Variants in SEMA3F observed in about 807,000 individuals in gnomAD.
The protein encoded by SEMA3F is semaphorin-3F.
SEMA3F carries 30 observed loss-of-function variants against 98.5 expected under a neutral mutation model. The observed-to-expected ratio is 0.30, with a 90% CI of 0.23 to 0.41. The LOEUF (loss-of-function observed/expected upper bound fraction) is 0.41, where lower values mean the gene tolerates loss of function less well. SEMA3F is among the 10% of genes least tolerant of loss of function. The probability of loss-of-function intolerance (pLI) is 1.00; values close to 1 mark genes in which losing one functional copy is unlikely to be tolerated. For synonymous variants in SEMA3F, 380 were observed against 444.8 expected, an observed-to-expected ratio of 0.85 and a Z score of 1.83; for missense variants, 866 against 1,119.3, an observed-to-expected ratio of 0.77 and a Z score of 3.23.
At chr3:50,169,371 G>A (rs1363074581) in intron 2 of SEMA3F, among the ~76,000 whole-genome samples, 1 of 152,202 alleles carries the variant, frequency 6.6e-6, no homozygotes, top group Non-Finnish European at 1.5e-5. Flanking sequence ...AGGCCGCTTT[G>A]GGCTGGGACC....
At position 50,156,342 on chromosome 3, in the gene SEMA3F, G is replaced by A. The variant is rs1697982912; in HGVS notation, c.-49+778G>A. Among the ~76,000 whole-genome samples, 1 of 152,232 alleles carries A rather than the reference G, an allele frequency of 6.6e-6. No individual in the cohort carries two copies. ...GGCCTAGGAATGAGGCAGTGCTGGC[G>A]GGAGTTGGCTGGAGCTGGGGCTGGG... is the stretch of plus-strand genomic sequence containing the variant. On this transcript the variant is annotated intron_variant, in intron 1 of 18. Transcript: ENST00000002829. The surrounding 1 kb of genome is among the most constrained non-coding windows in gnomAD (Gnocchi z 4.5).
intron 2 of SEMA3F, among the ~76,000 whole-genome samples, chr3:50,171,389 A>G (rs1698596258): frequency 1.3e-5 from 2 of 152,116 alleles, no homozygotes; most frequent in African/African-American, 4.8e-5. Context: ...AAGGCTGCGC[A>G]GGGTTGGAGC....
chr3:50,187,928 C>T lies in SEMA3F; in HGVS notation c.2171C>T (p.Thr724Met), dbSNP rs768027884. Residue 724 changes from threonine (T) to methionine (M), a missense_variant, in exon 19 of 19, where the codon ACG (threonine) becomes ATG (methionine). Coordinates refer to ENST00000002829, the MANE Select transcript of SEMA3F (RefSeq NM_004186.5). Reference protein sequence around the residue: ...APPPPGAGPPTPPYQELAQLL... With the variant: ...APPPPGAGPPMPPYQELAQLL... ...CCACCCCCAGGCGCAGGCCCCCCAA[C>T]GCCTCCTTACCAGGAGTTAGCCCAG... The T allele has an allele frequency of 3.5e-5, 56 of 1,607,948 alleles. 1 individual carries two copies. In the Middle Eastern group the frequency reaches 6.6e-4, roughly 19 times the overall value.
intron 13 of SEMA3F, 132 bp downstream of exon 13, chr3:50,184,946 T>G: frequency 9.0e-6 from 6 of 669,744 alleles, no homozygotes; most frequent in Non-Finnish European, 1.0e-5. Flanking sequence ...CCTCATCCTT[T>G]GGTGCCTTCT....
rs1559728454 is a variant in SEMA3F at position 50,174,115 on chromosome 3, G to A, written c.336+1G>A. 2 of 1,614,144 alleles carry A rather than the reference G, an allele frequency of 1.2e-6. No homozygotes were observed. The highest frequency in any genetic ancestry group is 1.7e-6 in the Non-Finnish European group (2 of 1,180,018). On this transcript the variant is annotated splice_donor_variant, in intron 4 of 18. Transcript: ENST00000002829. LOFTEE classifies it high-confidence loss of function. Reference sequence around the variant, plus strand: ...CGTGCTCTCAGGCAAGGATGTCAACGTGAGTTTGGTGGGATCCACAGGTGG... The same window carrying A: ...CGTGCTCTCAGGCAAGGATGTCAACATGAGTTTGGTGGGATCCACAGGTGG...
At position 50,156,749 on chromosome 3, in the gene SEMA3F, G is replaced by A. The variant is rs968365032; in HGVS notation, c.-49+1185G>A. On this transcript the variant is annotated intron_variant, in intron 1 of 18. Coordinates refer to ENST00000002829, the MANE Select transcript of SEMA3F (RefSeq NM_004186.5). The surrounding 1 kb of genome is among the most constrained non-coding windows in gnomAD (Gnocchi z 4.5). ...CTTCAGCTCCGAAGGAGCCAGGCCCGGAAGTGGGGAGGTGGGGGCCGGAGA... is the reference window on the plus strand; with the variant it reads ...CTTCAGCTCCGAAGGAGCCAGGCCCAGAAGTGGGGAGGTGGGGGCCGGAGA... 6.6e-6 allele frequency among the ~76,000 whole-genome samples: 1 copy of A among 152,206 alleles called. No individual in the cohort carries two copies. The highest frequency in any genetic ancestry group is 2.4e-5 in the African/African-American group (1 of 41,460).
chr3:50,166,858 G>A lies in SEMA3F; in HGVS notation c.113-6935G>A, dbSNP rs1376089601. ...GCAGTCATGGGGAGGAGGAGGTGGT[G>A]GAGGAAGGAGTGAGGGGTTTCCGGG... On this transcript the variant is annotated intron_variant, in intron 2 of 18. Transcript: ENST00000002829. The surrounding 1 kb of genome is among the most constrained non-coding windows in gnomAD (Gnocchi z 4.7). Among the ~76,000 whole-genome samples, 1 of 152,114 alleles carries A rather than the reference G, an allele frequency of 6.6e-6. No individual in the cohort carries two copies. Among genetic ancestry groups the A allele is most frequent in the Non-Finnish European group, 1.5e-5 (1 of 68,006 alleles).
At chr3:50,180,141 G>GT (rs1240911034) in intron 7 of SEMA3F, among the ~76,000 whole-genome samples, 70 of 151,106 alleles carry the variant, frequency 4.6e-4, no homozygotes, top group East Asian at 3.3e-3. Flanking sequence ...TAGCTTTTTT[G>GT]TTTTTTTTTA....
rs904151002 is a variant in SEMA3F at position 50,188,111 on chromosome 3, C to G, written c.2354C>G (p.Thr785Arg). 1 of 1,501,308 alleles carries G rather than the reference C, an allele frequency of 6.7e-7. No individual in the cohort carries two copies. The highest frequency in any genetic ancestry group is 1.4e-5 in the African/African-American group (1 of 71,376). 93.0% of individuals were successfully genotyped at this position (1,501,308 alleles called of 1,614,324 possible). Residue 785 changes from threonine (T) to arginine (R), a missense_variant, in exon 19 of 19, where the codon ACA (threonine) becomes AGA (arginine). Thr to Arg is a moderately conservative substitution (Grantham distance 71). Transcript: ENST00000002829. The surrounding 1 kb of genome is among the most constrained non-coding windows in gnomAD (Gnocchi z 4.5). Reference sequence around the variant, plus strand: ...AACCGCCGGCACCACCCTCCGGACACATGAGGCCAGCTGCCTGTGCCTGCC... The same window carrying G: ...AACCGCCGGCACCACCCTCCGGACAGATGAGGCCAGCTGCCTGTGCCTGCC... Reference protein sequence around the residue: ...PRNRRHHPPDT With the variant: ...PRNRRHHPPDR
In SEMA3F at chr3:50,175,145, C is replaced by T; in HGVS notation, c.506C>T (p.Ala169Val). The change falls in exon 6 of 19, where the codon GCC becomes GTC. Residue 169 changes from alanine (A) to valine (V), a missense_variant. Around this residue, in one of 3 missense-constraint regions of SEMA3F, gnomAD observed 247 missense variants for 276.0 expected, o/e 0.89. Coordinates refer to ENST00000002829, the MANE Select transcript of SEMA3F (RefSeq NM_004186.5). ...GCGGTCAGAGGCCGCGGCAGCAGAG[C>T]CACGGATGGTGCCCTCCGCCCGATG... ...TQAVRGRGSR[A>V]TDGALRPMPT... 6.2e-7 allele frequency: 1 copy of T among 1,609,966 alleles called. No homozygotes were observed. The highest frequency in any genetic ancestry group is 1.3e-5 in the African/African-American group (1 of 74,992).
intron 1 of SEMA3F, among the ~76,000 whole-genome samples, chr3:50,157,410 CCTT>C (rs1251409677): frequency 2.0e-5 from 3 of 152,138 alleles, no homozygotes; most frequent in Non-Finnish European, 4.4e-5. Flanking sequence ...TTCCTTCCCT[CCTT>C]CTCTGCTTTC....
chr3:50,174,402 C>A, intron 5 of SEMA3F, 52 bp downstream of exon 5: 1 of 1,574,058 alleles, frequency 6.4e-7, no homozygotes, highest in South Asian at 1.2e-5. Flanking sequence ...GGCTGCATCC[C>A]AGGGTCCTGA....
intron 12 of SEMA3F, 66 bp from the exon 13 acceptor site, chr3:50,184,526 G>GA: frequency 8.2e-7 from 1 of 1,216,976 alleles, no homozygotes; most frequent in Admixed American, 1.8e-5. Flanking sequence ...GGCCTCTTCT[G>GA]AAGCTAATGG....
At chr3:50,183,349 G>T (rs1433970802) in intron 11 of SEMA3F, 71 bp from the exon 12 acceptor site, 1 of 1,605,116 alleles carries the variant, frequency 6.2e-7, no homozygotes, top group Non-Finnish European at 8.5e-7. Flanking sequence ...GAGCTGTGGG[G>T]AGGGGGCAGT....
chr3:50,175,281 C>G (rs1277638418), intron 6 of SEMA3F, 93 bp downstream of exon 6: 2 of 857,460 alleles, frequency 2.3e-6, no homozygotes, highest in Non-Finnish European at 3.8e-6. Flanking sequence ...TCCCCAGGGC[C>G]TCCCCTCTAC....
intron 2 of SEMA3F, among the ~76,000 whole-genome samples, chr3:50,164,765 A>C (rs1476887032): frequency 6.6e-6 from 1 of 152,214 alleles, no homozygotes; most frequent in Non-Finnish European, 1.5e-5. Context: ...CAGCATCATG[A>C]GGGCTCAGAC....
chr3:50,171,733 C>T (rs909561338), intron 2 of SEMA3F, among the ~76,000 whole-genome samples: 2 of 152,130 alleles, frequency 1.3e-5, no homozygotes, highest in African/African-American at 2.4e-5. Flanking sequence ...AGCGGCCAGG[C>T]GGGGGACTCC....
chr3:50,169,037 C>T lies in SEMA3F; in HGVS notation c.113-4756C>T, dbSNP rs929088394. On this transcript the variant is annotated intron_variant, in intron 2 of 18. Transcript: ENST00000002829. ...TCCCCATCACTGCTGGGGGAGGTGA[C>T]GCTGTCAGTCAGGGCCTGCTGCTTT... 4.6e-5 allele frequency among the ~76,000 whole-genome samples: 7 copies of T among 152,086 alleles called. No homozygotes were observed. The South Asian group carries it at 8.3e-4, about 18-fold the overall frequency.
At position 50,158,792 on chromosome 3, in the gene SEMA3F, G is replaced by A. The variant is rs1332248129; in HGVS notation, c.-48-783G>A. Reference sequence around the variant, plus strand: ...GGGGAGACAATATTTGAAAAACACAGTATTGAAACTTGGACCTGCTGGGGC... The same window carrying A: ...GGGGAGACAATATTTGAAAAACACAATATTGAAACTTGGACCTGCTGGGGC... On this transcript the variant is annotated intron_variant, in intron 1 of 18. Coordinates refer to ENST00000002829, the MANE Select transcript of SEMA3F (RefSeq NM_004186.5). This position sits in a 1 kb window ranked among gnomAD's most constrained non-coding sequence, Gnocchi z 4.8. Among the ~76,000 whole-genome samples the A allele has an allele frequency of 6.6e-6, 1 of 152,190 alleles. No individual in the cohort carries two copies. Among genetic ancestry groups the A allele is most frequent in the Non-Finnish European group, 1.5e-5 (1 of 68,032 alleles).
Sources: gnomAD v4.1 joint callset for allele counts (sites outside exome capture counted in the v4.1 genomes callset) on GRCh38, gnomAD v4.1.1 for gene constraint, gnomAD v4.1.1 regional missense constraint, Gnocchi (gnomAD v3.1) non-coding constraint, MANE v1.5 for transcripts, NCBI Gene and HGNC (gene_info 2026-07-23, HGNC 2026-07-21) for gene names.